COMMD1: variants seen among roughly 807,000 people sequenced by gnomAD.
COMMD1 encodes the protein COMM domain-containing protein 1.
COMMD1 carries 10 observed loss-of-function variants against 17.2 expected under a neutral mutation model. That is an observed-to-expected ratio of 0.58 (90% CI 0.36 to 0.99). The LOEUF (loss-of-function observed/expected upper bound fraction) is 0.99. COMMD1 is among the 50% of genes least tolerant of loss of function. The pLI, the probability that COMMD1 is intolerant of heterozygous loss-of-function variation, is 0.01. For synonymous variants in COMMD1, 97 were observed against 91.6 expected (o/e 1.06, Z -0.34); for missense variants, 270 against 231.8 (o/e 1.17, Z -1.07).
At chr2:61,916,676 C>T (rs984791276) in intron 1 of COMMD1, among the ~76,000 whole-genome samples, 1 of 152,076 alleles carries the variant, frequency 6.6e-6, no homozygotes, top group Non-Finnish European at 1.5e-5. Context: ...ATCTATCCAC[C>T]TCGGCCTCCC....
At chr2:61,946,184 A>G (rs1276113238) in intron 1 of COMMD1, among the ~76,000 whole-genome samples, 1 of 152,216 alleles carries the variant, frequency 6.6e-6, no homozygotes, top group Admixed American at 6.5e-5. Flanking sequence ...GCAATTTAAC[A>G]TGTCAAATAA....
intron 1 of COMMD1, among the ~76,000 whole-genome samples, chr2:61,916,497 C>T (rs920582377): frequency 2.6e-5 from 4 of 152,162 alleles, no homozygotes. Context: ...TCATAGCTCA[C>T]TGCAGCCTTG....
rs182980707 is a variant in COMMD1 at position 61,907,579 on chromosome 2, C to T, written c.180+1721C>T. Among the ~76,000 whole-genome samples, 490 of 152,112 alleles carry T rather than the reference C, an allele frequency of 3.2e-3. 6 individuals carry two copies. The highest frequency in any genetic ancestry group is 0.01 in the African/African-American group (428 of 41,514). ...TGTGTAGGTAATGCTTTAGAATCTC[C>T]AAACATTGGGGGCTACTTCTCCTCT... On this transcript the variant is annotated intron_variant, in intron 1 of 2. Transcript: ENST00000311832.
chr2:61,889,872 T>C (rs1413401040), intron 1 of COMMD1, among the ~76,000 whole-genome samples: 1 of 152,196 alleles, frequency 6.6e-6, no homozygotes, highest in Non-Finnish European at 1.5e-5. Context: ...CTAAGCACAG[T>C]GCTAAACCTT....
chr2:62,123,783 A>T (rs2104081870), intron 2 of COMMD1, among the ~76,000 whole-genome samples: 1 of 152,102 alleles, frequency 6.6e-6, no homozygotes, highest in East Asian at 1.9e-4. Context: ...AAGGCAGACT[A>T]CATGGTTCAT....
chr2:61,940,307 A>T (rs1040525262), intron 1 of COMMD1, among the ~76,000 whole-genome samples: 1 of 152,222 alleles, frequency 6.6e-6, no homozygotes, highest in Non-Finnish European at 1.5e-5. Flanking sequence ...AGATAGGGAA[A>T]ACATCCCCCA....
chr2:61,969,618 TTA>T (rs1304680939), intron 1 of COMMD1, among the ~76,000 whole-genome samples: 7 of 152,202 alleles, frequency 4.6e-5, no homozygotes, highest in Admixed American at 3.9e-4. Context: ...CTTGGTAGCT[TTA>T]TGTGCTTGTC....
At chr2:61,916,599 A>G (rs999872590) in intron 1 of COMMD1, among the ~76,000 whole-genome samples, 10 of 151,750 alleles carry the variant, frequency 6.6e-5, no homozygotes, top group South Asian at 2.1e-4. Flanking sequence ...TTTAAAAAAA[A>G]AATTTTTTTT....
chr2:62,102,073 A>C (rs959839208), intron 2 of COMMD1, among the ~76,000 whole-genome samples: 7 of 152,194 alleles, frequency 4.6e-5, no homozygotes, highest in Non-Finnish European at 1.0e-4. Flanking sequence ...ATTAGCGTAC[A>C]AAAGACACTC....
chr2:62,077,766 G>T (rs1055650761), intron 2 of COMMD1, among the ~76,000 whole-genome samples: 1 of 152,140 alleles, frequency 6.6e-6, no homozygotes, highest in Non-Finnish European at 1.5e-5. Flanking sequence ...AACCCAAGGT[G>T]GTCGGGGTGC....
At chr2:62,097,101 G>C (rs561949372) in intron 2 of COMMD1, among the ~76,000 whole-genome samples, 2 of 152,320 alleles carry the variant, frequency 1.3e-5, no homozygotes, top group African/African-American at 2.4e-5. Context: ...GCAGTGATAG[G>C]AATATTGGAC....
chr2:62,102,027 G>A (rs541589943), intron 2 of COMMD1, among the ~76,000 whole-genome samples: 202 of 152,228 alleles, frequency 1.3e-3, no homozygotes, highest in Non-Finnish European at 1.6e-3. Flanking sequence ...GCCCCATCTT[G>A]AAGCTATCTA....
At position 61,890,429 on chromosome 2, in the gene COMMD1, G is replaced by T. The variant is rs116447362; in HGVS notation, n.119+1587G>T. On this transcript the variant is annotated intron_variant and non_coding_transcript_variant, in intron 1 of 2. Transcript: ENST00000472729. Reference sequence around the variant, plus strand: ...AGACGGGGTTTCTCCATGTTGGACAGGGTGGTTTCGAACTCCCGAGCTCAG... The same window carrying T: ...AGACGGGGTTTCTCCATGTTGGACATGGTGGTTTCGAACTCCCGAGCTCAG... 4.2e-3 allele frequency among the ~76,000 whole-genome samples: 641 copies of T among 152,232 alleles called. 3 individuals carry two copies. The highest frequency in any genetic ancestry group is 0.015 in the African/African-American group (622 of 41,550).
chr2:62,133,001 A>G (rs1673087171), intron 2 of COMMD1, among the ~76,000 whole-genome samples: 1 of 152,196 alleles, frequency 6.6e-6, no homozygotes. Context: ...CCCCTCCTAG[A>G]GCTTGAACAC....
intron 2 of COMMD1, among the ~76,000 whole-genome samples, chr2:62,086,909 G>A (rs758338110): frequency 1.3e-5 from 2 of 151,630 alleles, no homozygotes; most frequent in Non-Finnish European, 2.9e-5. Context: ...AGGCTGGAGT[G>A]CGGTAGTGCG....
intron 2 of COMMD1, among the ~76,000 whole-genome samples, chr2:62,102,980 C>CT (rs1237752965): frequency 0.021 from 2,919 of 140,766 alleles, 141 homozygotes; most frequent in East Asian, 0.17. Flanking sequence ...CTTTTTCTTT[C>CT]TTTTTTTTTT....
chr2:62,072,236 C>G (rs1389862633), intron 2 of COMMD1, among the ~76,000 whole-genome samples: 1 of 152,102 alleles, frequency 6.6e-6, no homozygotes, highest in Non-Finnish European at 1.5e-5. Flanking sequence ...AAACCAAAGA[C>G]AAATTAAAGC....
intron 2 of COMMD1, among the ~76,000 whole-genome samples, chr2:62,076,604 G>A (rs931944591): frequency 6.6e-5 from 10 of 152,100 alleles, no homozygotes; most frequent in African/African-American, 9.7e-5. Flanking sequence ...AAAACTAGCC[G>A]GGCATGGTGG....
intron 1 of COMMD1, among the ~76,000 whole-genome samples, chr2:61,938,307 G>A (rs1416435221): frequency 6.6e-6 from 1 of 151,414 alleles, no homozygotes; most frequent in African/African-American, 2.4e-5. Flanking sequence ...GGTGAGGTAT[G>A]ATCTTCTGGG....
Sources: allele counts gnomAD v4.1 joint callset (sites outside exome capture counted in the v4.1 genomes callset), GRCh38; gene constraint gnomAD v4.1.1; transcripts MANE v1.5; gene names NCBI Gene and HGNC (gene_info 2026-07-23, HGNC 2026-07-21).